Variants in SGCZ observed in about 807,000 individuals in gnomAD.
The protein encoded by SGCZ is sarcoglycan zeta.
A neutral mutation model predicts 41.3 loss-of-function variants in SGCZ; 40 were observed. The ratio of observed to expected loss-of-function variants is 0.97; its 90% CI spans 0.75 to 1.26. The LOEUF (loss-of-function observed/expected upper bound fraction) is 1.26. SGCZ is among the 50% of genes most tolerant of loss of function. SGCZ has a pLI of 0.00. For synonymous variants in SGCZ, 206 were observed against 137.5 expected (o/e 1.50, Z -3.49); for missense variants, 552 against 369.8 (o/e 1.49, Z -4.04).
chr8:14,427,080 ATGAATGAG>A (rs1465654625), intron 2 of SGCZ, among the ~76,000 whole-genome samples: 7 of 112,932 alleles, frequency 6.2e-5, no homozygotes, highest in African/African-American at 4.2e-4. Flanking sequence ...GAATGAACGA[ATGAATGAG>A]TGAATGAATG....
chr8:14,334,254 C>G (rs1268230999), intron 2 of SGCZ, among the ~76,000 whole-genome samples: 1 of 151,998 alleles, frequency 6.6e-6, no homozygotes, highest in Non-Finnish European at 1.5e-5. Flanking sequence ...CTTTAATTTC[C>G]ACCCTAACTA....
intron 1 of SGCZ, among the ~76,000 whole-genome samples, chr8:14,848,379 A>T (rs1164976539): frequency 1.3e-5 from 2 of 152,314 alleles, no homozygotes; most frequent in South Asian, 2.1e-4. Flanking sequence ...TTAAATGCAG[A>T]GGGCCTAAAA....
intron 5 of SGCZ, among the ~76,000 whole-genome samples, chr8:14,144,661 A>G (rs1330125381): frequency 6.6e-6 from 1 of 152,174 alleles, no homozygotes; most frequent in Non-Finnish European, 1.5e-5. Flanking sequence ...ATGGGTGTAG[A>G]GCACCAAGCA....
chr8:14,889,121 T>G (rs987164166), intron 1 of SGCZ, among the ~76,000 whole-genome samples: 1 of 152,158 alleles, frequency 6.6e-6, no homozygotes, highest in Non-Finnish European at 1.5e-5. Context: ...ATTCTTCTGC[T>G]GCAGTTTAAA....
chr8:14,364,968 CAT>C (rs959054253), intron 2 of SGCZ, among the ~76,000 whole-genome samples: 7 of 152,028 alleles, frequency 4.6e-5, no homozygotes, highest in African/African-American at 1.7e-4. Context: ...CCATAGCTCT[CAT>C]GTTTCATCTA....
intron 1 of SGCZ, among the ~76,000 whole-genome samples, chr8:14,722,532 A>G (rs533206797): frequency 1.3e-5 from 2 of 152,220 alleles, no homozygotes; most frequent in East Asian, 3.9e-4. Context: ...CACACAATAT[A>G]TGTATTTATA....
chr8:15,083,518 T>C (rs1463597347), intron 1 of SGCZ, among the ~76,000 whole-genome samples: 2 of 152,164 alleles, frequency 1.3e-5, no homozygotes, highest in Non-Finnish European at 2.9e-5. Context: ...GTAATAACTT[T>C]TTTGCTATTT....
At chr8:14,183,168 A>G (rs1804785683) in intron 4 of SGCZ, among the ~76,000 whole-genome samples, 1 of 152,172 alleles carries the variant, frequency 6.6e-6, no homozygotes, top group Admixed American at 6.5e-5. Context: ...AAATCTGAAA[A>G]TTTTGTTGAC....
chr8:14,767,875 G>C (rs1395575779), intron 1 of SGCZ, among the ~76,000 whole-genome samples: 2 of 152,056 alleles, frequency 1.3e-5, no homozygotes, highest in Non-Finnish European at 1.5e-5. Context: ...CTGAAATAGG[G>C]CCATGTATTA....
At chr8:14,673,796 G>A (rs1203925744) in intron 1 of SGCZ, among the ~76,000 whole-genome samples, 4 of 152,238 alleles carry the variant, frequency 2.6e-5, no homozygotes, top group East Asian at 3.9e-4. Flanking sequence ...GATGCCCGAT[G>A]TAGATGCTAC....
chr8:15,060,861 T>C (rs551923802), intron 1 of SGCZ, among the ~76,000 whole-genome samples: 4 of 152,254 alleles, frequency 2.6e-5, no homozygotes, highest in African/African-American at 7.2e-5. Flanking sequence ...TCCTGGGCAA[T>C]GGCTGGAGCT....
At chr8:15,038,368 T>G (rs1425778171) in intron 1 of SGCZ, among the ~76,000 whole-genome samples, 1 of 152,126 alleles carries the variant, frequency 6.6e-6, no homozygotes, top group African/African-American at 2.4e-5. Context: ...GGATGATCTC[T>G]TCAATAAATG....
chr8:14,404,572 T>G (rs573354327), intron 2 of SGCZ, among the ~76,000 whole-genome samples: 1 of 152,314 alleles, frequency 6.6e-6, no homozygotes, highest in South Asian at 2.1e-4. Context: ...TGCGTTATTT[T>G]TCTTTAACAA....
chr8:14,421,182 A>T lies in SGCZ; in HGVS notation c.235-96978T>A, dbSNP rs80287092. ...TATGACCAGTCTAACATTCTTGTAC[A>T]TGGAATTGTATCATAAATACCAAAA... On this transcript the variant is annotated intron_variant, in intron 2 of 7. Transcript: ENST00000382080. Among the ~76,000 whole-genome samples the T allele has an allele frequency of 5.7e-3, 868 of 152,212 alleles. 11 individuals carry two copies. The highest frequency in any genetic ancestry group is 0.02 in the African/African-American group (838 of 41,544).
intron 1 of SGCZ, among the ~76,000 whole-genome samples, chr8:14,948,582 A>G (rs1800531484): frequency 6.6e-6 from 1 of 152,012 alleles, no homozygotes; most frequent in African/African-American, 2.4e-5. Context: ...CTTAGATGAC[A>G]TTTATCCCTT....
intron 1 of SGCZ, among the ~76,000 whole-genome samples, chr8:14,879,544 T>C (rs1330191073): frequency 1.3e-5 from 2 of 151,268 alleles, no homozygotes; most frequent in Non-Finnish European, 2.9e-5. Context: ...ATATATCACA[T>C]ACCAGGAGGG....
chr8:15,127,877 G>A (rs1286734752), intron 1 of SGCZ, among the ~76,000 whole-genome samples: 1 of 152,050 alleles, frequency 6.6e-6, no homozygotes, highest in African/African-American at 2.4e-5. Context: ...AATTTTTCAA[G>A]CCTTACAATC....
chr8:14,195,626 G>A lies in SGCZ; in HGVS notation c.425-30924C>T, dbSNP rs144613389. On this transcript the variant is annotated intron_variant, in intron 4 of 7. Transcript: ENST00000382080. ...CACAATCAAAATGCTGAAAATCAGT[G>A]ATGGAGTCAAAATTTTAACAGCAGT... Among the ~76,000 whole-genome samples, 21 of 152,232 alleles carry A rather than the reference G, an allele frequency of 1.4e-4. No individual in the cohort carries two copies. In the East Asian group the frequency reaches 4.1e-3, roughly 29 times the overall value.
At chr8:15,003,651 A>G (rs1209593197) in intron 1 of SGCZ, among the ~76,000 whole-genome samples, 1 of 152,214 alleles carries the variant, frequency 6.6e-6, no homozygotes, top group African/African-American at 2.4e-5. Flanking sequence ...ATGTTTTTAT[A>G]TGACTCTTCA....
Sources: allele counts gnomAD v4.1 joint callset (sites outside exome capture counted in the v4.1 genomes callset), GRCh38; gene constraint gnomAD v4.1.1; transcripts MANE v1.5; gene names NCBI Gene and HGNC (gene_info 2026-07-23, HGNC 2026-07-21).